Variants in MSI2 observed in about 807,000 individuals in gnomAD.
The protein encoded by MSI2 is musashi RNA binding protein 2.
A neutral mutation model predicts 45.6 loss-of-function variants in MSI2; 17 were observed. The observed-to-expected ratio is 0.37, with a 90% CI of 0.26 to 0.56. MSI2 has a LOEUF of 0.56. Among genes scored for constraint, MSI2 ranks in the 20% least tolerant of loss-of-function variants. The probability of loss-of-function intolerance (pLI) is 0.77; values close to 1 mark genes in which losing one functional copy is unlikely to be tolerated. For synonymous variants in MSI2, 156 were observed against 158.2 expected, an observed-to-expected ratio of 0.99 and a Z score of 0.11; for missense variants, 293 against 444.2, an observed-to-expected ratio of 0.66 and a Z score of 3.06.
chr17:57,550,156 G>A (rs1207875854), intron 7 of MSI2, among the ~76,000 whole-genome samples: 3 of 152,152 alleles, frequency 2.0e-5, no homozygotes, highest in Admixed American at 6.5e-5. Context: ...GAAGACAAAC[G>A]CCCCTTTTAA....
At chr17:57,549,930 A>C (rs2087264101) in intron 7 of MSI2, among the ~76,000 whole-genome samples, 1 of 152,176 alleles carries the variant, frequency 6.6e-6, no homozygotes, top group South Asian at 2.1e-4. Flanking sequence ...CTCTGACTGC[A>C]GGGAGGTCAG....
intron 6 of MSI2, among the ~76,000 whole-genome samples, chr17:57,511,810 G>A (rs565452904): frequency 6.8e-4 from 104 of 152,260 alleles, no homozygotes; most frequent in African/African-American, 2.3e-3. Flanking sequence ...TTTCTGAAAA[G>A]CCAGAACCTC....
chr17:57,634,425 G>A (rs748675795), intron 10 of MSI2, among the ~76,000 whole-genome samples: 17 of 151,984 alleles, frequency 1.1e-4, no homozygotes, highest in Non-Finnish European at 2.2e-4. Flanking sequence ...GAGATCACGC[G>A]GTTGCACTCC....
intron 7 of MSI2, among the ~76,000 whole-genome samples, chr17:57,593,930 G>A (rs1246939662): frequency 2.7e-5 from 4 of 149,904 alleles, no homozygotes; most frequent in Non-Finnish European, 4.4e-5. Context: ...GCAAGCAGAG[G>A]GCCATTGCCT....
intron 5 of MSI2, among the ~76,000 whole-genome samples, chr17:57,344,788 C>T (rs1008136461): frequency 2.6e-5 from 4 of 152,188 alleles, no homozygotes; most frequent in African/African-American, 9.7e-5. Flanking sequence ...TAAAATAGAG[C>T]CAGAGTGGCT....
chr17:57,294,285 A>G (rs1053455411), intron 5 of MSI2, among the ~76,000 whole-genome samples: 4 of 151,964 alleles, frequency 2.6e-5, no homozygotes, highest in African/African-American at 9.7e-5. Context: ...CCAGTATAGC[A>G]CTTCATCTGG....
At chr17:57,522,014 A>T (rs1018603248) in intron 6 of MSI2, among the ~76,000 whole-genome samples, 3 of 152,190 alleles carry the variant, frequency 2.0e-5, no homozygotes, top group Non-Finnish European at 1.5e-5. Flanking sequence ...AGCTTTACGG[A>T]AGGAACCGAT....
At chr17:57,522,019 A>G (rs1239381330) in intron 6 of MSI2, among the ~76,000 whole-genome samples, 1 of 152,160 alleles carries the variant, frequency 6.6e-6, no homozygotes, top group Non-Finnish European at 1.5e-5. Context: ...TACGGAAGGA[A>G]CCGATTTGGG....
At chr17:57,425,651 G>T (rs1403569563) in intron 6 of MSI2, among the ~76,000 whole-genome samples, 3 of 152,140 alleles carry the variant, frequency 2.0e-5, no homozygotes, top group African/African-American at 7.2e-5. Context: ...GATCATTTAG[G>T]TTGTTTGCAG....
At chr17:57,679,477 A>G in intron 13 of MSI2, 72 bp from the exon 14 acceptor site, 1 of 792,344 alleles carries the variant, frequency 1.3e-6, no homozygotes, top group African/African-American at 1.8e-5. Context: ...CTTGTCTGAC[A>G]CTTCTTTCTC....
At chr17:57,409,817 G>A (rs981876987) in intron 6 of MSI2, among the ~76,000 whole-genome samples, 6 of 152,068 alleles carry the variant, frequency 3.9e-5, no homozygotes, top group East Asian at 1.9e-4. Context: ...GACCAGCCTG[G>A]CCAACATGGT....
chr17:57,329,723 G>A (rs1290434671), intron 5 of MSI2, among the ~76,000 whole-genome samples: 2 of 152,144 alleles, frequency 1.3e-5, no homozygotes, highest in Admixed American at 6.5e-5. Flanking sequence ...TGATGTGCAC[G>A]ATGAATTCAT....
At chr17:57,392,250 G>A (rs2083807504) in intron 5 of MSI2, among the ~76,000 whole-genome samples, 1 of 152,166 alleles carries the variant, frequency 6.6e-6, no homozygotes, top group Admixed American at 6.5e-5. Context: ...AGTAATCTGT[G>A]GACAGGTCAC....
chr17:57,301,912 C>T (rs1911451621), intron 5 of MSI2, among the ~76,000 whole-genome samples: 1 of 152,154 alleles, frequency 6.6e-6, no homozygotes, highest in South Asian at 2.1e-4. Flanking sequence ...CTAGAAACTG[C>T]ATTGCAAAGA....
At chr17:57,656,336 T>C (rs954024469) in intron 11 of MSI2, among the ~76,000 whole-genome samples, 1 of 152,236 alleles carries the variant, frequency 6.6e-6, no homozygotes, top group Non-Finnish European at 1.5e-5. Flanking sequence ...GGAAGGAGTC[T>C]TAAAGGTCTT....
intron 4 of MSI2, 140 bp downstream of exon 4, chr17:57,258,494 A>G: frequency 2.6e-6 from 2 of 766,962 alleles, no homozygotes; most frequent in East Asian, 4.9e-5. Context: ...GAGTTGGCTC[A>G]AAAGTTTGCT....
intron 5 of MSI2, among the ~76,000 whole-genome samples, chr17:57,321,107 G>A (rs950084480): frequency 2.6e-5 from 4 of 151,274 alleles, no homozygotes; most frequent in African/African-American, 9.7e-5. Flanking sequence ...GATGGATTTG[G>A]GGGCCTGGGA....
At chr17:57,298,463 T>G (rs1911169581) in intron 5 of MSI2, among the ~76,000 whole-genome samples, 1 of 152,156 alleles carries the variant, frequency 6.6e-6, no homozygotes, top group Non-Finnish European at 1.5e-5. Context: ...CCCAGCACTT[T>G]GCGAGGCCAA....
In MSI2 at chr17:57,547,082, G is replaced by C. The variant is rs145008383; in HGVS notation, c.454+17358G>C. ...CCCTGAGGAATAGGCCTTGGACTTG[G>C]GAGGCAGAGAACTGTGAGAAAGGCA... On this transcript the variant is annotated intron_variant, in intron 7 of 13. Coordinates refer to ENST00000284073, the MANE Select transcript of MSI2 (RefSeq NM_138962.4). Among the ~76,000 whole-genome samples the C allele has an allele frequency of 2.2e-3, 329 of 152,342 alleles. 2 individuals are homozygous for C. The highest frequency in any genetic ancestry group is 5.3e-3 in the Admixed American group (81 of 15,306).
Sources: gnomAD v4.1 joint callset for allele counts (sites outside exome capture counted in the v4.1 genomes callset) on GRCh38, gnomAD v4.1.1 for gene constraint, MANE v1.5 for transcripts, NCBI Gene and HGNC (gene_info 2026-07-23, HGNC 2026-07-21) for gene names.